PCDHGB3: variants seen among roughly 807,000 people sequenced by gnomAD.
PCDHGB3 encodes protocadherin gamma-B3.
A neutral mutation model predicts 59.2 loss-of-function variants in PCDHGB3; 40 were observed. The ratio of observed to expected loss-of-function variants is 0.68; its 90% confidence interval spans 0.52 to 0.88. The LOEUF (loss-of-function observed/expected upper bound fraction) is 0.88, where lower values mean the gene tolerates loss of function less well. Among genes scored for constraint, PCDHGB3 ranks in the 40% least tolerant of loss-of-function variants. PCDHGB3 has a pLI of 0.00. For synonymous variants in PCDHGB3, 581 were observed against 503.6 expected, an observed-to-expected ratio of 1.15 and a Z score of -2.06; for missense variants, 1,309 against 1,187.9, an observed-to-expected ratio of 1.10 and a Z score of -1.50.
chr5:141,389,146 C>T (rs567517174), intron 1 of PCDHGB3: 17 of 1,613,996 alleles, frequency 1.1e-5, no homozygotes, highest in East Asian at 2.2e-5. Context: ...ATAACCGTTA[C>T]GGCAACAGAT....
rs374200575 is a variant in PCDHGB3 at position 141,432,105 on chromosome 5, C to G, written c.2415+59296C>G. On this transcript the variant is annotated intron_variant, in intron 1 of 3. Transcript: ENST00000576222. This position sits in a 1 kb window ranked among gnomAD's most constrained non-coding sequence, Gnocchi z 6.0. The stretch of plus-strand genomic sequence containing the variant: ...AACGTGGCAGACACCAACGACAACC[C>G]GCCGGTCTTCCCTCAGGCCTCCTAT... 1.2e-6 allele frequency: 2 copies of G among 1,614,172 alleles called. No individual in the cohort carries two copies. Among genetic ancestry groups the G allele is most frequent in the Non-Finnish European group, 1.7e-6 (2 of 1,180,034 alleles).
chr5:141,430,560 G>T (rs1184226832), intron 1 of PCDHGB3: 1 of 420,160 alleles, frequency 2.4e-6, no homozygotes, highest in Non-Finnish European at 4.1e-6. Context: ...ACCAATCGGG[G>T]AGAGAAAAGC....
At chr5:141,458,787 C>A (rs968490647) in intron 1 of PCDHGB3, among the ~76,000 whole-genome samples, 1 of 152,004 alleles carries the variant, frequency 6.6e-6, no homozygotes, top group African/African-American at 2.4e-5. Flanking sequence ...GGCTGGAGTG[C>A]AGTGGTGTGA....
rs368155258 is a variant in PCDHGB3 at position 141,394,236 on chromosome 5, A to T, written c.2415+21427A>T. 3.1e-5 allele frequency: 50 copies of T among 1,613,818 alleles called. No individual in the cohort carries two copies. The highest frequency in any genetic ancestry group is 3.9e-5 in the Non-Finnish European group (46 of 1,179,848). On this transcript the variant is annotated intron_variant, in intron 1 of 3. Transcript: ENST00000576222. ...GAGAGGAGCCTCCATCTTTTCCTTG[A>T]CTGCACACGACCCCGACAGCCAGGA...
At position 141,431,645 on chromosome 5, in the gene PCDHGB3, T is replaced by G. The variant is rs2097404203; in HGVS notation, c.2415+58836T>G. ...GGCGGCCCAAGTTTTCAAACTAGAT[T>G]GTAATTCAGGGACAATATCAACAAT... On this transcript the variant is annotated intron_variant, in intron 1 of 3. Coordinates refer to ENST00000576222, the MANE Select transcript of PCDHGB3 (RefSeq NM_018924.5). This position sits in a 1 kb window ranked among gnomAD's most constrained non-coding sequence, Gnocchi z 4.8. The G allele has an allele frequency of 2.5e-6, 4 of 1,614,236 alleles. No homozygotes were observed. Among genetic ancestry groups the G allele is most frequent in the Non-Finnish European group, 3.4e-6 (4 of 1,180,044 alleles).
At position 141,511,148 on chromosome 5, in the gene PCDHGB3, A is replaced by C; in HGVS notation, c.2765A>C (p.Lys922Thr). Residue 922 changes from lysine to threonine, a missense_variant, in exon 4 of 4, where the codon AAG (lysine) becomes ACG (threonine). Coordinates refer to ENST00000576222, the MANE Select transcript of PCDHGB3 (RefSeq NM_018924.5). ...APAGGNGNKKKSGKKEKK is the reference protein window; with the variant it reads ...APAGGNGNKKTSGKKEKK ...GCAGGTGGCAATGGCAACAAGAAGA[A>C]GTCGGGCAAGAAGGAGAAGAAGTAA... is the stretch of plus-strand genomic sequence containing the variant. The C allele has an allele frequency of 6.2e-7, 1 of 1,614,202 alleles. No individual in the cohort carries two copies. Among genetic ancestry groups the C allele is most frequent in the East Asian group, 2.2e-5 (1 of 44,882 alleles).
chr5:141,448,912 T>C (rs1195715286), intron 1 of PCDHGB3, among the ~76,000 whole-genome samples: 1 of 152,152 alleles, frequency 6.6e-6, no homozygotes, highest in Non-Finnish European at 1.5e-5. Flanking sequence ...GCCACTGCAC[T>C]CCAGCCTGGG....
In PCDHGB3 at chr5:141,370,394, G is replaced by A. The variant is rs758929639; in HGVS notation, c.-1G>A. The A allele has an allele frequency of 1.3e-6, 2 of 1,547,668 alleles. No homozygotes were observed. The highest frequency in any genetic ancestry group is 1.4e-5 in the African/African-American group (1 of 72,426). On this transcript the variant is annotated 5_prime_UTR_variant, in exon 1 of 4. Transcript: ENST00000576222. ...AGAAAGGCAAAGGCGCAGAGAGCGGGATGGGAAATAGCTCCGGATGGAGGG... is the reference window on the plus strand; with the variant it reads ...AGAAAGGCAAAGGCGCAGAGAGCGGAATGGGAAATAGCTCCGGATGGAGGG...
chr5:141,431,547 T>TA lies in PCDHGB3; in HGVS notation c.2415+58739dup. On this transcript the variant is annotated intron_variant, in intron 1 of 3. Transcript: ENST00000576222. The surrounding 1 kb of genome is among the most constrained non-coding windows in gnomAD (Gnocchi z 4.8). ...CTGGCCTTGGGCACGCAGCTGCTTG[T>TA]AGTCAACGCTACCGACCCTGACGAA... 6.2e-7 allele frequency: 1 copy of TA among 1,614,096 alleles called. No individual in the cohort carries two copies. The highest frequency in any genetic ancestry group is 8.5e-7 in the Non-Finnish European group (1 of 1,180,022).
Position 141,432,026 on chromosome 5 carries a change from A to G in PCDHGB3, c.2415+59217A>G, listed in dbSNP as rs1591124077. On this transcript the variant is annotated intron_variant, in intron 1 of 3. Coordinates refer to ENST00000576222, the MANE Select transcript of PCDHGB3 (RefSeq NM_018924.5). The surrounding 1 kb of genome is among the most constrained non-coding windows in gnomAD (Gnocchi z 6.0). ...GGTTCCTAGCTACAACATCACAGTG[A>G]CCGCCACTGACCGGGGAACCCCGCC... The G allele has an allele frequency of 1.9e-6, 3 of 1,614,152 alleles. 1 individual carries two copies. Among genetic ancestry groups the G allele is most frequent in the Middle Eastern group, 3.3e-4 (2 of 6,062 alleles).
rs143767010 is a variant in PCDHGB3 at position 141,460,190 on chromosome 5, A to G, written c.2416-34617A>G. 3.2e-3 allele frequency among the ~76,000 whole-genome samples: 486 copies of G among 152,218 alleles called. 1 individual carries two copies. Among genetic ancestry groups the G allele is most frequent in the Non-Finnish European group, 4.9e-3 (336 of 68,006 alleles). ...TTTTGTGGATATTTTATCCCAGACTATGACTTGTCTTTTCATTTTCTTAGT... is the reference window on the plus strand; with the variant it reads ...TTTTGTGGATATTTTATCCCAGACTGTGACTTGTCTTTTCATTTTCTTAGT... On this transcript the variant is annotated intron_variant, in intron 1 of 3. Coordinates refer to ENST00000576222, the MANE Select transcript of PCDHGB3 (RefSeq NM_018924.5).
intron 1 of PCDHGB3, chr5:141,421,852 C>T: frequency 6.2e-7 from 1 of 1,613,770 alleles, no homozygotes; most frequent in South Asian, 1.1e-5. Context: ...AGAGGCTGCT[C>T]ACCTGCTCCT....
chr5:141,388,941 C>G, intron 1 of PCDHGB3: 1 of 1,613,962 alleles, frequency 6.2e-7, no homozygotes, highest in South Asian at 1.1e-5. Context: ...TCTACCCAAC[C>G]TAATTATGGA....
intron 1 of PCDHGB3, chr5:141,412,158 G>A (rs188069449): frequency 1.3e-5 from 2 of 152,324 alleles, no homozygotes; most frequent in East Asian, 3.9e-4. Context: ...CCTAAGAGAA[G>A]AGATTATTTA....
chr5:141,410,847 G>GTAT, intron 1 of PCDHGB3: 2 of 158,246 alleles, frequency 1.3e-5, no homozygotes, highest in Non-Finnish European at 1.0e-5. Context: ...TTTTGTCTTT[G>GTAT]TCTTTTTTTT....
intron 2 of PCDHGB3, 99 bp downstream of exon 2, chr5:141,494,964 G>A (rs2099757882): frequency 1.3e-6 from 2 of 1,594,380 alleles, no homozygotes; most frequent in Non-Finnish European, 8.5e-7. Context: ...GCTACAGATG[G>A]CTTCTCCCTC....
At chr5:141,418,894 A>G (rs200182481) in intron 1 of PCDHGB3, 2 of 1,614,004 alleles carry the variant, frequency 1.2e-6, no homozygotes, top group East Asian at 4.5e-5. Context: ...ACAACAGCCC[A>G]GAAATAATCA....
intron 1 of PCDHGB3, among the ~76,000 whole-genome samples, chr5:141,401,573 G>A (rs372919699): frequency 4.6e-5 from 7 of 152,128 alleles, no homozygotes; most frequent in East Asian, 3.9e-4. Context: ...TCTCTTGCTC[G>A]GAATCCTGAC....
intron 3 of PCDHGB3, among the ~76,000 whole-genome samples, chr5:141,506,682 C>A (rs1333272766): frequency 6.6e-6 from 1 of 152,192 alleles, no homozygotes; most frequent in East Asian, 1.9e-4. Context: ...ATATTATTAT[C>A]TTTGCTGACC....
Sources: allele counts gnomAD v4.1 joint callset (sites outside exome capture counted in the v4.1 genomes callset), GRCh38; gene constraint gnomAD v4.1.1; non-coding constraint Gnocchi (gnomAD v3.1); transcripts MANE v1.5; gene names NCBI Gene and HGNC (gene_info 2026-07-23, HGNC 2026-07-21).